Variants in NAA40 observed in about 807,000 individuals in gnomAD.
The protein encoded by NAA40 is N-alpha-acetyltransferase 40.
In NAA40, 26 loss-of-function variants were observed where a neutral mutation model predicts 36.6. The ratio of observed to expected loss-of-function variants is 0.71; its 90% CI spans 0.52 to 0.98. The LOEUF is 0.98. Ranked by LOEUF, NAA40 falls within the 50% of genes least tolerant of loss-of-function variation. The pLI is 0.00. For synonymous variants in NAA40, 129 were observed against 108.4 expected, an observed-to-expected ratio of 1.19 and a Z score of -1.18; for missense variants, 237 against 306.5, an observed-to-expected ratio of 0.77 and a Z score of 1.69.
intron 1 of NAA40, 39 bp from the exon 2 acceptor site, chr11:63,945,801 C>G: frequency 6.4e-7 from 1 of 1,563,182 alleles, no homozygotes; most frequent in Non-Finnish European, 8.8e-7. Flanking sequence ...CTTGATTGGC[C>G]ACAGCCATTC....
intron 3 of NAA40, among the ~76,000 whole-genome samples, chr11:63,948,728 A>G (rs1416731660): frequency 1.1e-5 from 1 of 91,104 alleles, no homozygotes; most frequent in Non-Finnish European, 2.2e-5. Context: ...AAAAAAATGT[A>G]TATATTTTTT....
Position 63,939,105 on chromosome 11 carries a change from G to A in NAA40, c.6+3G>A, listed in dbSNP as rs1223872119. 5 of 1,605,010 alleles carry A rather than the reference G, an allele frequency of 3.1e-6. No homozygotes were observed. The Admixed American group carries it at 5.0e-5, about 16-fold the overall frequency. On this transcript the variant is annotated splice_donor_region_variant and intron_variant, in intron 1 of 7. Coordinates refer to ENST00000377793, the MANE Select transcript of NAA40 (RefSeq NM_024771.4). ...GCGTTGTCGCCGCCGCTATGGGGGT[G>A]AGTGAGGCAGAGAGAGGAGATGGGA...
At chr11:63,942,569 C>G (rs1476583755) in intron 1 of NAA40, among the ~76,000 whole-genome samples, 2 of 152,174 alleles carry the variant, frequency 1.3e-5, no homozygotes, top group Non-Finnish European at 2.9e-5. Flanking sequence ...GTACAAAGCT[C>G]CCTTGGAAAA....
Position 63,946,941 on chromosome 11 carries a change from C to G in NAA40, c.103-10C>G, listed in dbSNP as rs763227684. 1.2e-6 allele frequency: 2 copies of G among 1,614,030 alleles called. No homozygotes were observed. Among genetic ancestry groups the G allele is most frequent in the East Asian group, 2.2e-5 (1 of 44,886 alleles). On this transcript the variant is annotated splice_polypyrimidine_tract_variant and intron_variant, in intron 2 of 7. Coordinates refer to ENST00000377793, the MANE Select transcript of NAA40 (RefSeq NM_024771.4). Reference sequence around the variant, plus strand: ...TGTCTGTGCTGTTCCTCTTTTCTTTCCCTCCACAGCTTGGAGACCCTCTGG... The same window carrying G: ...TGTCTGTGCTGTTCCTCTTTTCTTTGCCTCCACAGCTTGGAGACCCTCTGG...
chr11:63,946,611 T>C (rs916014175), intron 2 of NAA40: 20 of 1,284,220 alleles, frequency 1.6e-5, no homozygotes, highest in Non-Finnish European at 2.0e-5. Flanking sequence ...CATTTGGAGT[T>C]GTAACCAGGT....
Position 63,939,050 on chromosome 11 carries a change from C to T in NAA40, c.-47C>T. ...TGCAGCCACCGCCGTTGCCGCCTCC[C>T]TGCCGGCAAGTGTGTGAAGAAGAAG... On this transcript the variant is annotated 5_prime_UTR_variant, in exon 1 of 8. Coordinates refer to ENST00000377793, the MANE Select transcript of NAA40 (RefSeq NM_024771.4). 3 of 1,601,730 alleles carry T rather than the reference C, an allele frequency of 1.9e-6. No individual in the cohort carries two copies. The highest frequency in any genetic ancestry group is 2.6e-6 in the Non-Finnish European group (3 of 1,174,878).
At position 63,954,998 on chromosome 11, in the gene NAA40, G is replaced by A. The variant is rs150680745; in HGVS notation, c.*519G>A. 1.3e-3 allele frequency: 206 copies of A among 152,844 alleles called. No homozygotes were observed. The highest frequency in any genetic ancestry group is 2.3e-3 in the Non-Finnish European group (159 of 68,142). The allele number at this position is 152,844 out of a possible 1,614,324, so 9.5% of individuals were successfully genotyped here. ...TTGCGCAGTTGGAATTGCTGTTAAC[G>A]GAGACTGGGAAGATCTTTTGTGCCA... On this transcript the variant is annotated 3_prime_UTR_variant, in exon 8 of 8. Transcript: ENST00000377793.
At chr11:63,950,152 C>T (rs1423886006) in intron 3 of NAA40, among the ~76,000 whole-genome samples, 1 of 141,048 alleles carries the variant, frequency 7.1e-6, no homozygotes, top group African/African-American at 2.7e-5. Flanking sequence ...CAGAGTCTCG[C>T]TCTGTGCCTA....
rs143404625 is a variant in NAA40 at position 63,954,407 on chromosome 11, G to C, written c.642G>C (p.Leu214=). The C allele has an allele frequency of 7.8e-5, 125 of 1,612,856 alleles. No homozygotes were observed. The highest frequency in any genetic ancestry group is 9.6e-5 in the Non-Finnish European group (113 of 1,179,462). ...GGGAGGATTGCTCCTATGAGATCCT[G>C]AGCCGGAGGACCAAGTTTGGGGACA... ...CCGEDCSYEI[L]SRRTKFGDSH... The change falls in exon 8 of 8, where the codon CTG becomes CTC. Residue 214 remains leucine (L), a synonymous_variant. Coordinates refer to ENST00000377793, the MANE Select transcript of NAA40 (RefSeq NM_024771.4).
chr11:63,939,146 C>G lies in NAA40; in HGVS notation c.6+44C>G, dbSNP rs772694562. ...GGAGATGGGAGGTCCAGGGGCGCTC[C>G]TCGCTACCCTCGCCCCCTTTGTTCT... On this transcript the variant is annotated intron_variant, in intron 1 of 7. Transcript: ENST00000377793. 4 of 1,567,714 alleles carry G rather than the reference C, an allele frequency of 2.6e-6. No individual in the cohort carries two copies. In the South Asian group the frequency reaches 3.4e-5, roughly 13 times the overall value.
chr11:63,946,749 G>C (rs1489882862), intron 2 of NAA40: 2 of 1,530,714 alleles, frequency 1.3e-6, no homozygotes, highest in African/African-American at 2.7e-5. Context: ...AACTCTCCTG[G>C]GCCTTTCCAC....
intron 7 of NAA40, 84 bp downstream of exon 7, chr11:63,954,133 G>C: frequency 6.8e-7 from 1 of 1,466,776 alleles, no homozygotes; most frequent in South Asian, 1.2e-5. Flanking sequence ...CACTCATTCT[G>C]ATGCCTGAGC....
At chr11:63,951,727 GC>G (rs1348480795) in intron 3 of NAA40, among the ~76,000 whole-genome samples, 1 of 152,082 alleles carries the variant, frequency 6.6e-6, no homozygotes, top group African/African-American at 2.4e-5. Flanking sequence ...GGCGTGTTGA[GC>G]CGTAGTCTTC....
intron 6 of NAA40, among the ~76,000 whole-genome samples, chr11:63,953,411 G>T (rs1942313301): frequency 6.6e-6 from 1 of 152,202 alleles, no homozygotes. Flanking sequence ...CTACAGAGAG[G>T]AAGTGGGAAA....
Position 63,955,018 on chromosome 11 carries a change from G to C in NAA40, c.*539G>C, listed in dbSNP as rs1466907782. On this transcript the variant is annotated 3_prime_UTR_variant, in exon 8 of 8. Coordinates refer to ENST00000377793, the MANE Select transcript of NAA40 (RefSeq NM_024771.4). ...TTAACGGAGACTGGGAAGATCTTTT[G>C]TGCCAAGATGCAGGGAAATGAAGAA... 6.6e-6 allele frequency: 1 copy of C among 152,658 alleles called. No homozygotes were observed. The highest frequency in any genetic ancestry group is 2.1e-4 in the South Asian group (1 of 4,836). 9.5% of individuals were successfully genotyped at this position (152,658 alleles called of 1,614,324 possible). A position where few individuals can be genotyped will look rare whatever the true frequency, so the allele number is the denominator to read the frequency against.
chr11:63,940,273 A>G (rs1942087431), intron 1 of NAA40, among the ~76,000 whole-genome samples: 1 of 150,792 alleles, frequency 6.6e-6, no homozygotes, highest in South Asian at 2.1e-4. Flanking sequence ...CTGGTCTCGA[A>G]CTCCTGACCT....
rs993693907 is a variant in NAA40, at chr11:63,946,658, T to C, written c.103-293T>C. 3 of 1,393,728 alleles carry C rather than the reference T, an allele frequency of 2.2e-6. No homozygotes were observed. In the African/African-American group the frequency reaches 4.3e-5, roughly 20 times the overall value. The allele number at this position is 1,393,728 out of a possible 1,614,324, so 86.3% of individuals were successfully genotyped here. Reference sequence around the variant, plus strand: ...GCAGCAGATCAGGTAGCCTCTTCTTTGGGTTAGCTGTGCTGTGAGCAGGTT... The same window carrying C: ...GCAGCAGATCAGGTAGCCTCTTCTTCGGGTTAGCTGTGCTGTGAGCAGGTT... On this transcript the variant is annotated intron_variant, in intron 2 of 7. Coordinates refer to ENST00000377793, the MANE Select transcript of NAA40 (RefSeq NM_024771.4).
At chr11:63,952,899 G>A in intron 6 of NAA40, 60 bp downstream of exon 6, 1 of 1,454,978 alleles carries the variant, frequency 6.9e-7, no homozygotes, top group Non-Finnish European at 9.6e-7. Context: ...CTGTCACTGA[G>A]GCACTTGCCA....
Position 63,952,704 on chromosome 11 carries a change from A to G in NAA40, c.411-52A>G, listed in dbSNP as rs1942300310. On this transcript the variant is annotated intron_variant, in intron 5 of 7. Transcript: ENST00000377793. ...TGCAAGCTCCTCTGCCAGACCTTAC[A>G]GCCTCTTCATGTCCCATCCTGCACG... 5 of 1,608,150 alleles carry G rather than the reference A, an allele frequency of 3.1e-6. No individual in the cohort carries two copies. In the South Asian group the frequency reaches 3.3e-5, roughly 11 times the overall value.
Sources: gnomAD v4.1 joint callset for allele counts (sites outside exome capture counted in the v4.1 genomes callset) on GRCh38, gnomAD v4.1.1 for gene constraint, MANE v1.5 for transcripts, NCBI Gene and HGNC (gene_info 2026-07-23, HGNC 2026-07-21) for gene names.